Variants in ADK observed in about 807,000 individuals in gnomAD.
ADK encodes the protein adenosine kinase.
ADK carries 24 observed loss-of-function variants against 44.7 expected under a neutral mutation model. The ratio of observed to expected loss-of-function variants is 0.54; its 90% CI spans 0.39 to 0.76. The LOEUF (loss-of-function observed/expected upper bound fraction) is 0.76, where lower values mean the gene tolerates loss of function less well. Ranked by LOEUF, ADK falls within the 30% of genes least tolerant of loss-of-function variation. ADK has a pLI of 0.00. For synonymous variants in ADK, 128 were observed against 142.6 expected, an observed-to-expected ratio of 0.90 and a Z score of 0.73; for missense variants, 321 against 425.1, an observed-to-expected ratio of 0.76 and a Z score of 2.15.
At chr10:74,456,069 G>T (rs1845933996) in intron 6 of ADK, among the ~76,000 whole-genome samples, 1 of 152,016 alleles carries the variant, frequency 6.6e-6, no homozygotes, top group Non-Finnish European at 1.5e-5. Context: ...AAGAGTCTTA[G>T]CCTCCCACAC....
intron 7 of ADK, among the ~76,000 whole-genome samples, chr10:74,531,695 G>A (rs1849297018): frequency 6.6e-6 from 1 of 151,988 alleles, no homozygotes; most frequent in Non-Finnish European, 1.5e-5. Context: ...CACCACAGCT[G>A]GCTAATTTTT....
intron 9 of ADK, chr10:74,641,716 G>A (rs1853848830): frequency 6.6e-6 from 1 of 152,194 alleles, no homozygotes. Flanking sequence ...TGGCCAGCTT[G>A]CTTTCACATA....
At chr10:74,563,684 G>C (rs1209130172) in intron 7 of ADK, among the ~76,000 whole-genome samples, 1 of 152,100 alleles carries the variant, frequency 6.6e-6, no homozygotes, top group Admixed American at 6.5e-5. Context: ...TTGTATAAAT[G>C]CATGTATACA....
chr10:74,186,240 C>A (rs778931623), intron 1 of ADK, among the ~76,000 whole-genome samples: 4 of 149,384 alleles, frequency 2.7e-5, no homozygotes, highest in African/African-American at 9.8e-5. Context: ...CCTTTCCCTT[C>A]CCCTTCCGCC....
chr10:74,163,707 G>A (rs1205213340), intron 1 of ADK, among the ~76,000 whole-genome samples: 4 of 152,116 alleles, frequency 2.6e-5, no homozygotes, highest in Non-Finnish European at 5.9e-5. Flanking sequence ...AAAAGAAACT[G>A]TTTCCTTCTT....
At chr10:74,387,564 T>A (rs2132025479) in intron 4 of ADK, among the ~76,000 whole-genome samples, 1 of 152,340 alleles carries the variant, frequency 6.6e-6, no homozygotes, top group Non-Finnish European at 1.5e-5. Flanking sequence ...TTTGTAACCA[T>A]TTTGGAAGAT....
chr10:74,414,735 T>G (rs1844309755), intron 6 of ADK, among the ~76,000 whole-genome samples: 1 of 152,072 alleles, frequency 6.6e-6, no homozygotes, highest in Non-Finnish European at 1.5e-5. Flanking sequence ...GAAAGAAAAG[T>G]GTGATTACAG....
chr10:74,182,880 C>T (rs994987410), intron 1 of ADK, among the ~76,000 whole-genome samples: 2 of 152,142 alleles, frequency 1.3e-5, no homozygotes, highest in Admixed American at 6.6e-5. Context: ...TTAACAGTCA[C>T]GTCTCCCTAC....
chr10:74,528,575 T>G (rs1481000140), intron 7 of ADK, among the ~76,000 whole-genome samples: 1 of 152,018 alleles, frequency 6.6e-6, no homozygotes, highest in Non-Finnish European at 1.5e-5. Context: ...AACAAGAATG[T>G]GAAAAGACAA....
At chr10:74,579,215 C>T (rs1851296431) in intron 7 of ADK, among the ~76,000 whole-genome samples, 1 of 146,064 alleles carries the variant, frequency 6.8e-6, no homozygotes. Context: ...GCCTGGGCAA[C>T]AGAGTGAGAC....
chr10:74,161,761 A>G (rs1841904932), intron 1 of ADK, among the ~76,000 whole-genome samples: 1 of 151,464 alleles, frequency 6.6e-6, no homozygotes, highest in Admixed American at 6.6e-5. Flanking sequence ...GCTGGAGTGC[A>G]GTGGTACAAT....
chr10:74,236,478 G>A (rs543565382), intron 3 of ADK, among the ~76,000 whole-genome samples: 13 of 152,222 alleles, frequency 8.5e-5, no homozygotes, highest in African/African-American at 2.6e-4. Context: ...TCAAACAGAC[G>A]TACAGTGTGT....
chr10:74,374,926 ACTC>A (rs1842772673), intron 4 of ADK, among the ~76,000 whole-genome samples: 1 of 151,576 alleles, frequency 6.6e-6, no homozygotes, highest in Non-Finnish European at 1.5e-5. Context: ...TTATTATAAC[ACTC>A]CTCGTATGTT....
chr10:74,307,368 C>T (rs188113968), intron 3 of ADK, among the ~76,000 whole-genome samples: 6 of 152,310 alleles, frequency 3.9e-5, no homozygotes, highest in South Asian at 2.1e-4. Flanking sequence ...GTTTCTCTGT[C>T]TTCATGCTTC....
chr10:74,607,633 A>G (rs1852374057), intron 9 of ADK, among the ~76,000 whole-genome samples: 1 of 152,142 alleles, frequency 6.6e-6, no homozygotes, highest in Admixed American at 6.5e-5. Flanking sequence ...TTTGTGGGTA[A>G]CCCAACCTTT....
chr10:74,274,151 A>G (rs1846560977), intron 3 of ADK, among the ~76,000 whole-genome samples: 1 of 152,212 alleles, frequency 6.6e-6, no homozygotes, highest in South Asian at 2.1e-4. Flanking sequence ...AAACTTAACT[A>G]TTAATAATCT....
chr10:74,264,802 G>GT (rs1004801668), intron 3 of ADK, among the ~76,000 whole-genome samples: 2 of 152,030 alleles, frequency 1.3e-5, no homozygotes, highest in African/African-American at 2.4e-5. Flanking sequence ...GGAGACTTGA[G>GT]TTTTTTTGCA....
chr10:74,344,730 C>G, intron 4 of ADK: 1 of 174,874 alleles, frequency 5.7e-6, no homozygotes, highest in Non-Finnish European at 1.2e-5. Flanking sequence ...AAGCAGATTT[C>G]TGCAAGTTTA....
At chr10:74,288,169 G>A (rs987961531) in intron 3 of ADK, among the ~76,000 whole-genome samples, 6 of 151,864 alleles carry the variant, frequency 4.0e-5, no homozygotes, top group African/African-American at 1.2e-4. Flanking sequence ...AAATTAATGC[G>A]GAAGGTTTGG....
Sources: gnomAD v4.1 joint callset for allele counts (sites outside exome capture counted in the v4.1 genomes callset) on GRCh38, gnomAD v4.1.1 for gene constraint, MANE v1.5 for transcripts, NCBI Gene and HGNC (gene_info 2026-07-23, HGNC 2026-07-21) for gene names.